Variants in DGKB observed in about 807,000 individuals in gnomAD.
DGKB encodes diacylglycerol kinase beta.
In DGKB, 67 loss-of-function variants were observed where a neutral mutation model predicts 114.3. The observed-to-expected ratio is 0.59, with a 90% CI of 0.48 to 0.72. The LOEUF is 0.72. Among genes scored for constraint, DGKB ranks in the 30% least tolerant of loss-of-function variants. DGKB has a pLI of 0.00. For missense variants in DGKB, 907 were observed against 975.2 expected (o/e 0.93, Z 0.93); for synonymous variants, 398 against 323.1 (o/e 1.23, Z -2.49).
At chr7:14,301,649 C>A (rs1181712015) in intron 23 of DGKB, among the ~76,000 whole-genome samples, 1 of 152,102 alleles carries the variant, frequency 6.6e-6, no homozygotes, top group Non-Finnish European at 1.5e-5. Context: ...ACATATACAT[C>A]TCCAGATGCA....
intron 23 of DGKB, among the ~76,000 whole-genome samples, chr7:14,204,915 C>T (rs1761400031): frequency 6.6e-6 from 1 of 152,006 alleles, no homozygotes; most frequent in African/African-American, 2.4e-5. Context: ...ACACTTTAAG[C>T]ACTTGTATAA....
intron 20 of DGKB, among the ~76,000 whole-genome samples, chr7:14,570,454 T>C (rs1415520236): frequency 6.6e-6 from 1 of 152,056 alleles, no homozygotes; most frequent in African/African-American, 2.4e-5. Context: ...GACAAAAAAA[T>C]TGGAGCATAA....
chr7:14,712,168 T>C (rs1827464403), intron 6 of DGKB, among the ~76,000 whole-genome samples: 1 of 151,930 alleles, frequency 6.6e-6, no homozygotes, highest in Admixed American at 6.6e-5. Flanking sequence ...CATCACCAGG[T>C]ATAAAAGATG....
intron 5 of DGKB, among the ~76,000 whole-genome samples, chr7:14,729,427 G>A (rs188044326): frequency 1.2e-3 from 187 of 152,228 alleles, no homozygotes; most frequent in African/African-American, 4.4e-3. Flanking sequence ...GCTCACTGAT[G>A]TATCCCTAAC....
intron 20 of DGKB, among the ~76,000 whole-genome samples, chr7:14,520,789 G>A (rs1257779006): frequency 2.0e-5 from 3 of 151,996 alleles, no homozygotes; most frequent in African/African-American, 4.8e-5. Context: ...CAGAATGTGC[G>A]TTCTGCATTC....
chr7:14,645,836 A>G (rs927840035), intron 13 of DGKB, among the ~76,000 whole-genome samples: 3 of 152,172 alleles, frequency 2.0e-5, no homozygotes, highest in African/African-American at 7.2e-5. Flanking sequence ...GAAATAAGGG[A>G]GTTCAACATC....
intron 21 of DGKB, among the ~76,000 whole-genome samples, chr7:14,417,225 T>C (rs985627481): frequency 1.3e-5 from 2 of 152,088 alleles, no homozygotes; most frequent in African/African-American, 4.8e-5. Flanking sequence ...TTTTTAAATA[T>C]ATTATAATTA....
intron 23 of DGKB, among the ~76,000 whole-genome samples, chr7:14,262,145 G>A (rs912039034): frequency 6.6e-5 from 10 of 152,154 alleles, no homozygotes; most frequent in African/African-American, 2.4e-4. Flanking sequence ...CGTATCAGTT[G>A]AATTTGCAGC....
chr7:14,297,360 T>C (rs1802760598), intron 23 of DGKB, among the ~76,000 whole-genome samples: 1 of 152,108 alleles, frequency 6.6e-6, no homozygotes, highest in African/African-American at 2.4e-5. Flanking sequence ...TTCACCACAG[T>C]CAAGTCAGTT....
intron 17 of DGKB, among the ~76,000 whole-genome samples, chr7:14,590,434 C>T (rs1409426825): frequency 2.0e-5 from 3 of 152,082 alleles, no homozygotes; most frequent in Non-Finnish European, 4.4e-5. Flanking sequence ...CATTGTTCTT[C>T]TATTCCATGA....
chr7:14,625,122 A>C (rs1408612491), intron 14 of DGKB, among the ~76,000 whole-genome samples: 1 of 152,166 alleles, frequency 6.6e-6, no homozygotes, highest in Non-Finnish European at 1.5e-5. Flanking sequence ...TTAATTTTTA[A>C]ATCCTCAGTG....
rs192268858 is a variant in DGKB at position 14,225,534 on chromosome 7, A to T, written c.2123-47383T>A. 4.6e-3 allele frequency among the ~76,000 whole-genome samples: 694 copies of T among 152,140 alleles called. 5 individuals are homozygous for T. The highest frequency in any genetic ancestry group is 0.01 in the Middle Eastern group (3 of 294). On this transcript the variant is annotated intron_variant, in intron 23 of 25. Coordinates refer to ENST00000402815, the MANE Select transcript of DGKB (RefSeq NM_001350709.2). ...GTTGAAAGAGAAACTTTTACTTTTT[A>T]AAAAATCTAGCTACTTGTATTAATG...
intron 23 of DGKB, among the ~76,000 whole-genome samples, chr7:14,204,777 C>T (rs10486048): frequency 0.09 from 13,714 of 151,874 alleles, 845 homozygotes; most frequent in Admixed American, 0.18. Flanking sequence ...AACAGGGCCA[C>T]GAGTATGGGA....
At chr7:14,297,260 A>T (rs186024359) in intron 23 of DGKB, among the ~76,000 whole-genome samples, 1 of 152,254 alleles carries the variant, frequency 6.6e-6, no homozygotes, top group Non-Finnish European at 1.5e-5. Context: ...AAAAAGGAAA[A>T]TTTCAGGCCA....
chr7:14,249,835 T>C (rs183988004), intron 23 of DGKB, among the ~76,000 whole-genome samples: 43 of 152,256 alleles, frequency 2.8e-4, no homozygotes, highest in African/African-American at 1.0e-3. Flanking sequence ...CATTTATTTT[T>C]GCTCTGACAT....
rs1563723172 is a variant in DGKB, at chr7:14,627,956, A to AC, written c.1167+2279_1167+2280insG. 2.6e-3 allele frequency among the ~76,000 whole-genome samples: 398 copies of AC among 151,896 alleles called. 1 individual carries two copies. Among genetic ancestry groups the AC allele is most frequent in the African/African-American group, 8.5e-3 (351 of 41,370 alleles). The stretch of plus-strand genomic sequence containing the variant: ...AGACCTTGTCTCAAAAAAACAAAAA[A>AC]AAAAAACAACAAAAAAAACCAGACT... On this transcript the variant is annotated intron_variant, in intron 14 of 25. Coordinates refer to ENST00000402815, the MANE Select transcript of DGKB (RefSeq NM_001350709.2).
intron 2 of DGKB, among the ~76,000 whole-genome samples, chr7:14,801,115 T>G (rs1016257233): frequency 2.0e-5 from 3 of 152,166 alleles, no homozygotes; most frequent in Non-Finnish European, 4.4e-5. Context: ...CCTTCCCTTT[T>G]TTATTCCCTT....
chr7:14,583,368 ACT>A (rs1009326428), intron 17 of DGKB, among the ~76,000 whole-genome samples: 51 of 152,140 alleles, frequency 3.4e-4, no homozygotes, highest in African/African-American at 1.0e-3. Context: ...TAATGAATAT[ACT>A]CTTTTTCTTT....
intron 21 of DGKB, among the ~76,000 whole-genome samples, chr7:14,467,464 C>T (rs115658151): frequency 0.068 from 10,320 of 151,086 alleles, 489 homozygotes; most frequent in East Asian, 0.22. Flanking sequence ...AATATATGTA[C>T]GCATATTATA....
Sources: allele counts gnomAD v4.1 joint callset (sites outside exome capture counted in the v4.1 genomes callset), GRCh38; gene constraint gnomAD v4.1.1; transcripts MANE v1.5; gene names NCBI Gene and HGNC (gene_info 2026-07-23, HGNC 2026-07-21).